Variants in ADA observed in about 807,000 individuals in gnomAD.
ADA encodes the protein adenosine deaminase.
ADA carries 45 observed loss-of-function variants against 49.0 expected under a neutral mutation model. That is an observed-to-expected ratio of 0.92 (90% confidence interval 0.72 to 1.18). ADA has a LOEUF of 1.18. ADA is among the 50% of genes most tolerant of loss of function. ADA has a pLI of 0.00. For synonymous variants in ADA, 173 were observed against 184.2 expected (o/e 0.94, Z 0.49); for missense variants, 445 against 472.5 (o/e 0.94, Z 0.54).
intron 2 of ADA, 44 bp downstream of exon 2, chr20:44,636,183 C>T: frequency 6.5e-7 from 1 of 1,548,922 alleles, no homozygotes; most frequent in Non-Finnish European, 8.9e-7. Context: ...GCTGGGGACC[C>T]CACTCAAATC....
At chr20:44,625,751 T>A in intron 4 of ADA, 67 bp from the exon 5 acceptor site, 1 of 1,330,362 alleles carries the variant, frequency 7.5e-7, no homozygotes, top group East Asian at 2.5e-5. Context: ...GCTCTGGGAC[T>A]GGGACAGAGG....
intron 1 of ADA, among the ~76,000 whole-genome samples, chr20:44,637,189 C>A: frequency 6.6e-6 from 1 of 152,198 alleles, no homozygotes; most frequent in South Asian, 2.1e-4. Context: ...TTCTAGTACT[C>A]TAGAGTTTAA....
intron 1 of ADA, among the ~76,000 whole-genome samples, chr20:44,638,736 G>C (rs1310390226): frequency 6.6e-6 from 1 of 152,158 alleles, no homozygotes; most frequent in African/African-American, 2.4e-5. Flanking sequence ...ATGGGAAAAT[G>C]TACAGTCACA....
chr20:44,644,892 T>G (rs1252627411), intron 1 of ADA, among the ~76,000 whole-genome samples: 1 of 152,202 alleles, frequency 6.6e-6, no homozygotes, highest in African/African-American at 2.4e-5. Flanking sequence ...GAAATTCCTG[T>G]GGAGCCACAG....
intron 2 of ADA, among the ~76,000 whole-genome samples, chr20:44,631,072 G>A (rs2065428924): frequency 6.6e-6 from 1 of 152,212 alleles, no homozygotes; most frequent in Non-Finnish European, 1.5e-5. Context: ...TGACCAAATA[G>A]TGTTTTAGTG....
At chr20:44,629,508 C>A (rs929250929) in intron 2 of ADA, among the ~76,000 whole-genome samples, 6 of 152,208 alleles carry the variant, frequency 3.9e-5, no homozygotes, top group African/African-American at 1.4e-4. Context: ...AAGGAAAGTG[C>A]CAGGTCAAGT....
At chr20:44,633,679 A>G (rs1438658003) in intron 2 of ADA, among the ~76,000 whole-genome samples, 5 of 152,226 alleles carry the variant, frequency 3.3e-5, no homozygotes, top group African/African-American at 1.2e-4. Flanking sequence ...AGACCAGGGC[A>G]GTGATCGGAG....
At chr20:44,644,567 C>T (rs967635034) in intron 1 of ADA, among the ~76,000 whole-genome samples, 6 of 152,196 alleles carry the variant, frequency 3.9e-5, no homozygotes, top group African/African-American at 1.4e-4. Flanking sequence ...CACTGCCAAT[C>T]GAATGTCCCC....
At chr20:44,635,913 A>G (rs1417140698) in intron 2 of ADA, among the ~76,000 whole-genome samples, 1 of 151,904 alleles carries the variant, frequency 6.6e-6, no homozygotes, top group Non-Finnish European at 1.5e-5. Context: ...AAAAAAAAAA[A>G]GACGGATTCA....
chr20:44,642,408 G>A (rs1192755126), intron 1 of ADA, among the ~76,000 whole-genome samples: 1 of 152,224 alleles, frequency 6.6e-6, no homozygotes, highest in Non-Finnish European at 1.5e-5. Context: ...TCACACTGGG[G>A]TGGGGGCAAT....
rs752147539 is a variant in ADA at position 44,621,135 on chromosome 20, G to A, written c.858C>T (p.Asp286=). 3.1e-6 allele frequency: 5 copies of A among 1,614,106 alleles called. No individual in the cohort carries two copies. Among genetic ancestry groups the A allele is most frequent in the East Asian group, 4.5e-5 (2 of 44,888 alleles). The change falls in exon 10 of 12, where the codon GAC becomes GAT. Residue 286 remains aspartate, a synonymous_variant. Transcript: ENST00000372874. ...TEHAVIRLKN[D]QANYSLNTDD... ...CTGTGTTGAGCGAGTAGTTAGCCTG[G>A]TCATTTTTGAGCCTGCAGAAGAGGG...
At position 44,631,831 on chromosome 20, in the gene ADA, T is replaced by C. The variant is rs374949106; in HGVS notation, c.96-2662A>G. ...TGTGATGTGCTGGGCACTGGGCAGA[T>C]AGCAGTGACCAAGACAGACCCATGT... On this transcript the variant is annotated intron_variant, in intron 2 of 11. Coordinates refer to ENST00000372874, the MANE Select transcript of ADA (RefSeq NM_000022.4). Among the ~76,000 whole-genome samples the C allele has an allele frequency of 1.6e-3, 247 of 152,274 alleles. 2 individuals are homozygous for C. The highest frequency in any genetic ancestry group is 5.5e-3 in the African/African-American group (230 of 41,548).
At chr20:44,636,019 C>G in intron 2 of ADA, 1 of 597,624 alleles carries the variant, frequency 1.7e-6, no homozygotes, top group South Asian at 2.0e-5. Context: ...ACTCAGAGGC[C>G]CAGAAAGCTC....
intron 2 of ADA, among the ~76,000 whole-genome samples, chr20:44,633,403 G>A (rs753019072): frequency 6.6e-6 from 1 of 152,190 alleles, no homozygotes; most frequent in African/African-American, 2.4e-5. Flanking sequence ...GGTCTGGCAT[G>A]TTTGAAAAAC....
chr20:44,622,537 C>T (rs1600918531), intron 9 of ADA, 51 bp downstream of exon 9: 9 of 1,608,274 alleles, frequency 5.6e-6, no homozygotes, highest in Non-Finnish European at 7.7e-6. Context: ...TTTCTTCCCT[C>T]TTTGGCCTTC....
chr20:44,649,410 A>T (rs1425906385), intron 1 of ADA, among the ~76,000 whole-genome samples: 2 of 151,904 alleles, frequency 1.3e-5, no homozygotes, highest in East Asian at 3.9e-4. Flanking sequence ...CCTCAAACAC[A>T]TGGCAGGTAA....
chr20:44,624,404 C>G, intron 5 of ADA, 75 bp from the exon 6 acceptor site: 3 of 1,598,960 alleles, frequency 1.9e-6, no homozygotes, highest in Non-Finnish European at 1.7e-6. Context: ...GCCTGCTGTC[C>G]CACCCAAACC....
chr20:44,627,574 T>C (rs1156518474), intron 3 of ADA, among the ~76,000 whole-genome samples: 1 of 152,240 alleles, frequency 6.6e-6, no homozygotes, highest in African/African-American at 2.4e-5. Context: ...GTGTGTCATA[T>C]GGCTTATCAG....
chr20:44,641,758 TATTTG>T (rs2065537118), intron 1 of ADA, among the ~76,000 whole-genome samples: 1 of 151,468 alleles, frequency 6.6e-6, no homozygotes, highest in African/African-American at 2.4e-5. Flanking sequence ...TTCATTTATT[TATTTG>T]TTGTTGTTGT....
Sources: allele counts gnomAD v4.1 joint callset (sites outside exome capture counted in the v4.1 genomes callset), GRCh38; gene constraint gnomAD v4.1.1; transcripts MANE v1.5; gene names NCBI Gene and HGNC (gene_info 2026-07-23, HGNC 2026-07-21).